Variants in MEF2A observed in about 807,000 individuals in gnomAD.
The protein encoded by MEF2A is myocyte-specific enhancer factor 2A.
Under a neutral mutation model 55.8 loss-of-function variants are expected in MEF2A, and 28 were observed. The observed-to-expected ratio is 0.50, with a 90% confidence interval of 0.37 to 0.69. MEF2A has a LOEUF of 0.69. MEF2A is among the 30% of genes least tolerant of loss of function. The pLI is 0.00. For missense variants in MEF2A, 528 were observed against 626.2 expected (o/e 0.84, Z 1.67); for synonymous variants, 239 against 227.1 (o/e 1.05, Z -0.47).
intron 2 of MEF2A, among the ~76,000 whole-genome samples, chr15:99,599,841 A>G (rs1972395858): frequency 6.6e-6 from 1 of 152,162 alleles, no homozygotes; most frequent in Non-Finnish European, 1.5e-5. Context: ...GGATTAAAAA[A>G]TACCCTATAC....
rs1287988575 is a variant in MEF2A, at chr15:99,655,599, A to G, written c.258+9835A>G. Among the ~76,000 whole-genome samples, 6 of 152,138 alleles carry G rather than the reference A, an allele frequency of 3.9e-5. No homozygotes were observed. In the East Asian group the frequency reaches 1.2e-3, roughly 29 times the overall value. ...AAAGAAGTGTGTAGCTTTTAAAACT[A>G]AACTAAATTATCTCACTTATTACTC... On this transcript the variant is annotated intron_variant, in intron 4 of 11. Transcript: ENST00000557942.
intron 7 of MEF2A, among the ~76,000 whole-genome samples, chr15:99,682,784 A>G (rs1005122649): frequency 3.3e-5 from 5 of 152,228 alleles, no homozygotes; most frequent in African/African-American, 1.2e-4. Flanking sequence ...TGCACATGGG[A>G]AAATAGTATT....
chr15:99,676,761 G>A (rs1258390241), intron 7 of MEF2A, among the ~76,000 whole-genome samples: 1 of 151,878 alleles, frequency 6.6e-6, no homozygotes, highest in South Asian at 2.1e-4. Context: ...TAGTAGAGAC[G>A]GAGTTTCACC....
intron 6 of MEF2A, among the ~76,000 whole-genome samples, chr15:99,674,969 G>C (rs570994317): frequency 3.9e-4 from 59 of 152,212 alleles, no homozygotes; most frequent in African/African-American, 1.3e-3. Flanking sequence ...TGGAGTTAGA[G>C]TATCTTTTAC....
chr15:99,605,236 C>CT lies in MEF2A; in HGVS notation c.-143+6726dup, dbSNP rs575242915. Among the ~76,000 whole-genome samples, 4 of 152,218 alleles carry CT rather than the reference C, an allele frequency of 2.6e-5. No individual in the cohort carries two copies. In the South Asian group the frequency reaches 6.2e-4, roughly 24 times the overall value. The stretch of plus-strand genomic sequence containing the variant: ...GTGCTGGAATTATAGGTGTGAGCTG[C>CT]TGCGTCCTGCCTCTCTTCCACTTTT... On this transcript the variant is annotated intron_variant, in intron 2 of 11. Coordinates refer to ENST00000557942, the MANE Select transcript of MEF2A (RefSeq NM_001319206.4).
At chr15:99,664,047 T>C (rs1330959953) in intron 4 of MEF2A, among the ~76,000 whole-genome samples, 1 of 152,236 alleles carries the variant, frequency 6.6e-6, no homozygotes, top group Non-Finnish European at 1.5e-5. Flanking sequence ...GTAGATACCA[T>C]TGTTTCAATC....
chr15:99,645,379 T>C (rs536606197), intron 3 of MEF2A, among the ~76,000 whole-genome samples, 182 bp from the exon 4 acceptor site: 2 of 152,250 alleles, frequency 1.3e-5, no homozygotes, highest in South Asian at 4.1e-4. Flanking sequence ...ACTTGGCATA[T>C]ACAAAACAAA....
chr15:99,653,358 C>T (rs751894980), intron 4 of MEF2A, among the ~76,000 whole-genome samples: 9 of 152,116 alleles, frequency 5.9e-5, no homozygotes, highest in Non-Finnish European at 1.0e-4. Context: ...CAGAGAGAGA[C>T]TAGGGATCTA....
At chr15:99,585,897 G>A (rs944391042) in intron 1 of MEF2A, among the ~76,000 whole-genome samples, 1 of 151,850 alleles carries the variant, frequency 6.6e-6, no homozygotes, top group South Asian at 2.1e-4. Flanking sequence ...TGTGTTCTTC[G>A]GTGGTATCTT....
intron 2 of MEF2A, among the ~76,000 whole-genome samples, chr15:99,614,210 A>G (rs992804827): frequency 6.6e-6 from 1 of 152,222 alleles, no homozygotes; most frequent in African/African-American, 2.4e-5. Context: ...TGTAGAAGAT[A>G]TTTAATAAAT....
chr15:99,613,856 A>G (rs192599353), intron 2 of MEF2A, among the ~76,000 whole-genome samples: 1 of 152,358 alleles, frequency 6.6e-6, no homozygotes, highest in African/African-American at 2.4e-5. Flanking sequence ...TTGTGCAGCC[A>G]TACACAACTT....
chr15:99,632,200 C>T (rs1419050825), intron 2 of MEF2A, among the ~76,000 whole-genome samples: 2 of 152,148 alleles, frequency 1.3e-5, no homozygotes, highest in Non-Finnish European at 2.9e-5. Flanking sequence ...TACACACACA[C>T]ACGAAGGTGC....
chr15:99,668,283 G>A (rs565487718), intron 4 of MEF2A, among the ~76,000 whole-genome samples: 1 of 152,144 alleles, frequency 6.6e-6, no homozygotes, highest in Non-Finnish European at 1.5e-5. Context: ...ATAGAACAGG[G>A]TGTATCATCG....
chr15:99,565,773 C>T (rs1234553158), upstream of MEF2A: 2 of 152,314 alleles, frequency 1.3e-5, no homozygotes, highest in East Asian at 3.9e-4. Flanking sequence ...CTACCCTTGT[C>T]TTTCCCATTC....
At chr15:99,692,739 A>G (rs781621834) in intron 8 of MEF2A, among the ~76,000 whole-genome samples, 1 of 152,200 alleles carries the variant, frequency 6.6e-6, no homozygotes, top group Non-Finnish European at 1.5e-5. Context: ...AAGAGTAGCC[A>G]CTACACTAGG....
chr15:99,641,085 C>T (rs916325450), intron 3 of MEF2A, among the ~76,000 whole-genome samples: 6 of 152,036 alleles, frequency 3.9e-5, no homozygotes, highest in Non-Finnish European at 8.8e-5. Flanking sequence ...TCCCAGCCGT[C>T]GAAAAAGCCA....
chr15:99,597,349 TC>T (rs1169658474), intron 1 of MEF2A, among the ~76,000 whole-genome samples: 1 of 152,014 alleles, frequency 6.6e-6, no homozygotes, highest in Non-Finnish European at 1.5e-5. Context: ...GACTCCAGTC[TC>T]CCATAGCGCT....
chr15:99,697,692 T>G (rs1443765000), intron 8 of MEF2A, among the ~76,000 whole-genome samples: 1 of 152,136 alleles, frequency 6.6e-6, no homozygotes, highest in Non-Finnish European at 1.5e-5. Flanking sequence ...AATTTCAAAA[T>G]CCCAGCAAGC....
chr15:99,574,895 A>G (rs560660608), intron 1 of MEF2A, among the ~76,000 whole-genome samples: 1 of 152,340 alleles, frequency 6.6e-6, no homozygotes, highest in East Asian at 1.9e-4. Context: ...TTCAGGTTAT[A>G]TACAGGGATA....
Sources: gnomAD v4.1 joint callset for allele counts (sites outside exome capture counted in the v4.1 genomes callset) on GRCh38, gnomAD v4.1.1 for gene constraint, MANE v1.5 for transcripts, NCBI Gene and HGNC (gene_info 2026-07-23, HGNC 2026-07-21) for gene names.